The following PLAGL1 variants were observed in gnomAD, a reference collection of about 807,000 sequenced individuals.
PLAGL1 encodes the protein PLAG1 like zinc finger 1.
PLAGL1 carries 1 observed loss-of-function variant against 4.6 expected under a neutral mutation model. That is an observed-to-expected ratio of 0.22 (90% CI 0.08 to 1.03). PLAGL1 has a LOEUF of 1.03. Ranked by LOEUF, PLAGL1 falls within the 50% of genes least tolerant of loss-of-function variation. The pLI, the probability that PLAGL1 is intolerant of heterozygous loss-of-function variation, is 0.58. For missense variants in PLAGL1, 464 were observed against 570.4 expected, an observed-to-expected ratio of 0.81 and a Z score of 1.90; for synonymous variants, 240 against 237.8, an observed-to-expected ratio of 1.01 and a Z score of -0.08.
chr6:144,018,151 C>G (rs1795695164), intron 1 of PLAGL1, among the ~76,000 whole-genome samples: 1 of 152,096 alleles, frequency 6.6e-6, no homozygotes, highest in Non-Finnish European at 1.5e-5. Context: ...CTTCGGGGAA[C>G]ATTGAAGAGG....
Position 144,064,506 on chromosome 6 carries a change from C to G in PLAGL1, c.-189G>C, listed in dbSNP as rs989983455. The G allele has an allele frequency of 2.6e-5, 4 of 152,216 alleles. No individual in the cohort carries two copies. Among genetic ancestry groups the G allele is most frequent in the African/African-American group, 4.8e-5 (2 of 41,408 alleles). 9.4% of individuals were successfully genotyped at this position (152,216 alleles called of 1,614,324 possible). Reference sequence around the variant, plus strand: ...TCCCCCGCTTGGAAAGTTCTGGAGTCCGGAGCCCGTGGCCCACTGGGTCAG... The same window carrying G: ...TCCCCCGCTTGGAAAGTTCTGGAGTGCGGAGCCCGTGGCCCACTGGGTCAG... On this transcript the variant is annotated 5_prime_UTR_variant, in exon 1 of 4. Transcript: ENST00000437412. The surrounding 1 kb of genome is among the most constrained non-coding windows in gnomAD (Gnocchi z 6.8).
rs551245624 is a variant in PLAGL1, at chr6:143,989,612, G to C, written c.-583-4438C>G. ...CCAGAATCACACCACCAGCTTTCCC[G>C]AGTCTCCAGCTTGCAGACAGTTGAC... On this transcript the variant is annotated intron_variant, in intron 1 of 7. Coordinates refer to ENST00000674357, the MANE Select transcript of PLAGL1 (RefSeq NM_001317162.2). The surrounding 1 kb of genome is among the most constrained non-coding windows in gnomAD (Gnocchi z 4.8). 5.3e-4 allele frequency among the ~76,000 whole-genome samples: 81 copies of C among 152,272 alleles called. No individual in the cohort carries two copies. Among genetic ancestry groups the C allele is most frequent in the African/African-American group, 1.9e-3 (78 of 41,548 alleles).
rs1782474873 is a variant in PLAGL1 at position 143,957,827 on chromosome 6, CT to C, written c.-325+2641del. Among the ~76,000 whole-genome samples, 1 of 152,166 alleles carries C rather than the reference CT, an allele frequency of 6.6e-6. No individual in the cohort carries two copies. Among genetic ancestry groups the C allele is most frequent in the Admixed American group, 6.5e-5 (1 of 15,282 alleles). On this transcript the variant is annotated intron_variant, in intron 6 of 7. Coordinates refer to ENST00000674357, the MANE Select transcript of PLAGL1 (RefSeq NM_001317162.2). This position sits in a 1 kb window ranked among gnomAD's most constrained non-coding sequence, Gnocchi z 4.2. ...TATCACTAAATAAACAGAAAAAGGC[CT>C]TGAAGTACAGATAACTACATGGGAG...
intron 1 of PLAGL1, chr6:144,007,164 G>A (rs941514502): frequency 6.6e-6 from 1 of 152,218 alleles, no homozygotes; most frequent in Admixed American, 6.5e-5. Flanking sequence ...ACTTCAGAGC[G>A]AAAAGCGTGA....
Position 144,006,201 on chromosome 6 carries a change from G to A in PLAGL1, c.-584+1889C>T, listed in dbSNP as rs1794133108. The A allele has an allele frequency of 6.9e-6, 1 of 144,032 alleles. No individual in the cohort carries two copies. The highest frequency in any genetic ancestry group is 2.5e-5 in the African/African-American group (1 of 40,112). The allele number at this position is 144,032 out of a possible 1,614,324, so 8.9% of individuals were successfully genotyped here. ...AAATTCCCTAGGTACTCCTCCCTGA[G>A]CAAGATTTTTTTTTTCTAAAAAGAA... On this transcript the variant is annotated intron_variant, in intron 1 of 7. Coordinates refer to ENST00000674357, the MANE Select transcript of PLAGL1 (RefSeq NM_001317162.2). The surrounding 1 kb of genome is among the most constrained non-coding windows in gnomAD (Gnocchi z 4.3).
chr6:143,997,292 T>C lies in PLAGL1; in HGVS notation c.-584+10798A>G, dbSNP rs1413322761. ...CAATTCTAGTCTCAGATTTGTTCCTTGGCAAAATACTGCAAATGTCCACCA... is the reference window on the plus strand; with the variant it reads ...CAATTCTAGTCTCAGATTTGTTCCTCGGCAAAATACTGCAAATGTCCACCA... On this transcript the variant is annotated intron_variant, in intron 1 of 7. Coordinates refer to ENST00000674357, the MANE Select transcript of PLAGL1 (RefSeq NM_001317162.2). The surrounding 1 kb of genome is among the most constrained non-coding windows in gnomAD (Gnocchi z 4.6). Among the ~76,000 whole-genome samples the C allele has an allele frequency of 1.3e-5, 2 of 152,210 alleles. No homozygotes were observed. Among genetic ancestry groups the C allele is most frequent in the Admixed American group, 1.3e-4 (2 of 15,284 alleles).
At chr6:143,944,732 G>A (rs189205048) in intron 7 of PLAGL1, among the ~76,000 whole-genome samples, 111 of 148,236 alleles carry the variant, frequency 7.5e-4, no homozygotes, top group Middle Eastern at 3.5e-3. Context: ...TATATATATC[G>A]CAGGAATACA....
rs1786299642 is a variant in PLAGL1, at chr6:143,975,443, T to C, written c.-543-6465A>G. Among the ~76,000 whole-genome samples the C allele has an allele frequency of 6.6e-6, 1 of 152,212 alleles. No individual in the cohort carries two copies. The highest frequency in any genetic ancestry group is 2.4e-5 in the African/African-American group (1 of 41,454). ...AGGAATAATAACCTCACAGGGTTTG[T>C]GGAGGATCAAATTAGATAACTAATA... On this transcript the variant is annotated intron_variant, in intron 2 of 7. Transcript: ENST00000674357. This position sits in a 1 kb window ranked among gnomAD's most constrained non-coding sequence, Gnocchi z 5.8.
chr6:143,967,997 C>CAAAAAAAAAAA lies in PLAGL1; in HGVS notation c.-472+899_-472+909dup, dbSNP rs60021436. ...CATTATGACCATCAAGGACATTTTG[C>CAAAAAAAAAAA]AAAAAAAAAAAAAAAAAAAAACAGT... is the stretch of plus-strand genomic sequence containing the variant. On this transcript the variant is annotated intron_variant, in intron 3 of 7. Coordinates refer to ENST00000674357, the MANE Select transcript of PLAGL1 (RefSeq NM_001317162.2). 3 of 90,020 alleles carry CAAAAAAAAAAA rather than the reference C, an allele frequency of 3.3e-5. 1 individual carries two copies. Among genetic ancestry groups the CAAAAAAAAAAA allele is most frequent in the African/African-American group, 9.7e-5 (2 of 20,720 alleles). 5.6% of individuals were successfully genotyped at this position (90,020 alleles called of 1,614,324 possible). A position where few individuals can be genotyped will look rare whatever the true frequency, so the allele number is the denominator to read the frequency against.
In PLAGL1 at chr6:143,952,132, T is replaced by TG. The variant is rs1452288344; in HGVS notation, c.-324-3673dup. 2.6e-5 allele frequency among the ~76,000 whole-genome samples: 4 copies of TG among 152,136 alleles called. No individual in the cohort carries two copies. Among genetic ancestry groups the TG allele is most frequent in the African/African-American group, 4.8e-5 (2 of 41,436 alleles). ...ACGACAACAACAACAACAACAACTG[T>TG]GGGTATATACAACATCTCTCATCAC... On this transcript the variant is annotated intron_variant, in intron 6 of 7. Transcript: ENST00000674357. The surrounding 1 kb of genome is among the most constrained non-coding windows in gnomAD (Gnocchi z 6.1).
chr6:143,985,895 TTA>T lies in PLAGL1; in HGVS notation c.-583-723_-583-722del, dbSNP rs972467709. Among the ~76,000 whole-genome samples, 3 of 110,622 alleles carry T rather than the reference TTA, an allele frequency of 2.7e-5. No homozygotes were observed. The highest frequency in any genetic ancestry group is 6.1e-5 in the African/African-American group (2 of 32,532). The allele number at this position is 110,622 out of a possible 152,430, so 72.6% of individuals were successfully genotyped here. On this transcript the variant is annotated intron_variant, in intron 1 of 7. Coordinates refer to ENST00000674357, the MANE Select transcript of PLAGL1 (RefSeq NM_001317162.2). The surrounding 1 kb of genome is among the most constrained non-coding windows in gnomAD (Gnocchi z 4.4). ...CGGCCAAGCTACATATTATATATTA[TTA>T]TGTGTGTGTGTGTGTGTGTGTATAC...
Position 143,941,749 on chromosome 6 carries a change from G to A in PLAGL1, c.1067C>T (p.Ala356Val). Reference protein sequence around the residue: ...NPGFDLAKGNAGKVNLPKELP... With the variant: ...NPGFDLAKGNVGKVNLPKELP... Reference sequence around the variant, plus strand: ...CTCCTTGGGCAGGTTTACTTTACCAGCATTTCCCTTAGCCAGATCAAAACC... The same window carrying A: ...CTCCTTGGGCAGGTTTACTTTACCAACATTTCCCTTAGCCAGATCAAAACC... Residue 356 changes from alanine to valine, a missense_variant, in exon 8 of 8, where the codon GCT (alanine) becomes GTT (valine). By Grantham distance (64) the Ala-to-Val change is moderately conservative (BLOSUM62 0). Around this residue, in one of 4 missense-constraint regions of PLAGL1, gnomAD observed 248 missense variants for 250.1 expected, o/e 0.99. Coordinates refer to ENST00000674357, the MANE Select transcript of PLAGL1 (RefSeq NM_001317162.2). This position sits in a 1 kb window ranked among gnomAD's most constrained non-coding sequence, Gnocchi z 6.0. The A allele has an allele frequency of 3.1e-6, 5 of 1,614,246 alleles. No homozygotes were observed. The highest frequency in any genetic ancestry group is 1.1e-5 in the South Asian group (1 of 91,092).
intron 1 of PLAGL1, among the ~76,000 whole-genome samples, chr6:143,998,186 A>G (rs1157086592): frequency 6.6e-6 from 1 of 152,190 alleles, no homozygotes; most frequent in Non-Finnish European, 1.5e-5. Context: ...AGAAAATAGG[A>G]GTACACCAGT....
At chr6:143,991,997 C>T (rs1385273808) in intron 1 of PLAGL1, among the ~76,000 whole-genome samples, 2 of 152,190 alleles carry the variant, frequency 1.3e-5, no homozygotes, top group Non-Finnish European at 2.9e-5. Context: ...CCAAAAAGTC[C>T]ACATTCAAAC....
chr6:144,015,225 T>A lies in PLAGL1; in HGVS notation c.-150-46247A>T, dbSNP rs1490498280. 6.6e-6 allele frequency among the ~76,000 whole-genome samples: 1 copy of A among 152,236 alleles called. No individual in the cohort carries two copies. Among genetic ancestry groups the A allele is most frequent in the African/African-American group, 2.4e-5 (1 of 41,462 alleles). ...ATTAATTTTTATATTGATTACATGTTGAAATAATATTTTAGATATATTGCA... is the reference window on the plus strand; with the variant it reads ...ATTAATTTTTATATTGATTACATGTAGAAATAATATTTTAGATATATTGCA... On this transcript the variant is annotated intron_variant, in intron 1 of 3. Transcript: ENST00000437412. This position sits in a 1 kb window ranked among gnomAD's most constrained non-coding sequence, Gnocchi z 4.3.
In PLAGL1 at chr6:143,962,714, G is replaced by A. The variant is rs912241213; in HGVS notation, c.-399+2073C>T. On this transcript the variant is annotated intron_variant, in intron 5 of 7. Coordinates refer to ENST00000674357, the MANE Select transcript of PLAGL1 (RefSeq NM_001317162.2). This position sits in a 1 kb window ranked among gnomAD's most constrained non-coding sequence, Gnocchi z 5.3. ...TCACTGAAACCCACATTGAACAAAG[G>A]GATTTCCTTCCAGTTTCAGCTCATT... Among the ~76,000 whole-genome samples the A allele has an allele frequency of 3.3e-5, 5 of 152,180 alleles. No homozygotes were observed. The highest frequency in any genetic ancestry group is 4.8e-5 in the African/African-American group (2 of 41,434).
At position 143,972,612 on chromosome 6, in the gene PLAGL1, T is replaced by G. The variant is rs538748175; in HGVS notation, c.-543-3634A>C. Among the ~76,000 whole-genome samples the G allele has an allele frequency of 6.6e-6, 1 of 152,284 alleles. No homozygotes were observed. The highest frequency in any genetic ancestry group is 2.4e-5 in the African/African-American group (1 of 41,574). On this transcript the variant is annotated intron_variant, in intron 2 of 7. Transcript: ENST00000674357. This position sits in a 1 kb window ranked among gnomAD's most constrained non-coding sequence, Gnocchi z 6.8. ...TTAAAATAAATATATTATTGTAATATTCCCATGCAATACACACAATCCAGA... is the reference window on the plus strand; with the variant it reads ...TTAAAATAAATATATTATTGTAATAGTCCCATGCAATACACACAATCCAGA...
intron 1 of PLAGL1, among the ~76,000 whole-genome samples, chr6:144,019,774 C>T (rs1373105749): frequency 1.6e-5 from 2 of 125,540 alleles, no homozygotes; most frequent in African/African-American, 3.0e-5. Flanking sequence ...AATTTCAAAA[C>T]CACAAAAAAG....
rs368195587 is a variant in PLAGL1, at chr6:144,017,165, T to A, written c.-151+47303A>T. The stretch of plus-strand genomic sequence containing the variant: ...TAGATTTAATTTTCTCTAATCACAA[T>A]ATAAATAACCCTTAAAAACCTGTAT... On this transcript the variant is annotated intron_variant, in intron 1 of 3. Coordinates refer to the PLAGL1 transcript ENST00000437412. Among the ~76,000 whole-genome samples, 24 of 152,340 alleles carry A rather than the reference T, an allele frequency of 1.6e-4. 1 individual carries two copies. The South Asian group carries it at 4.6e-3, about 29-fold the overall frequency.
Sources: allele counts gnomAD v4.1 joint callset (sites outside exome capture counted in the v4.1 genomes callset), GRCh38; gene constraint gnomAD v4.1.1; regional missense constraint gnomAD v4.1.1; non-coding constraint Gnocchi (gnomAD v3.1); transcripts MANE v1.5; gene names NCBI Gene and HGNC (gene_info 2026-07-23, HGNC 2026-07-21).